The following GMEB2 variants were observed in gnomAD, a reference collection of about 807,000 sequenced individuals.
GMEB2 encodes glucocorticoid modulatory element-binding protein 2.
Under a neutral mutation model 45.7 loss-of-function variants are expected in GMEB2, and 7 were observed. That is an observed-to-expected ratio of 0.15 (90% CI 0.09 to 0.29). GMEB2 has a LOEUF of 0.29. GMEB2 is among the 10% of genes least tolerant of loss of function. The pLI is 1.00. For missense variants in GMEB2, 582 were observed against 739.2 expected (o/e 0.79, Z 2.47); for synonymous variants, 322 against 323.6 (o/e 1.00, Z 0.05).
intron 1 of GMEB2, among the ~76,000 whole-genome samples, chr20:63,622,346 A>G (rs2089646595): frequency 6.6e-6 from 1 of 152,236 alleles, no homozygotes; most frequent in African/African-American, 2.4e-5. Flanking sequence ...CTCATAGCCC[A>G]GCCAGGCCTC....
chr20:63,625,359 G>A (rs1323234747), intron 1 of GMEB2, among the ~76,000 whole-genome samples: 1 of 151,916 alleles, frequency 6.6e-6, no homozygotes, highest in Non-Finnish European at 1.5e-5. Context: ...TTTTGGTAGA[G>A]ACGGGGTTTC....
intron 9 of GMEB2, 116 bp downstream of exon 9, chr20:63,591,906 C>CGTG (rs1357438002): frequency 7.0e-5 from 60 of 852,568 alleles, no homozygotes; most frequent in Admixed American, 3.4e-4. Flanking sequence ...AGAAGCTCGC[C>CGTG]GTGGTGGCGG....
chr20:63,616,929 G>A (rs1189211707), intron 2 of GMEB2, among the ~76,000 whole-genome samples: 4 of 151,926 alleles, frequency 2.6e-5, no homozygotes, highest in African/African-American at 4.8e-5. Context: ...TAATTTAAAT[G>A]AGGTCATATA....
In GMEB2 at chr20:63,600,456, G is replaced by A. The variant is rs545545036; in HGVS notation, c.357+2509C>T. 4.6e-4 allele frequency among the ~76,000 whole-genome samples: 69 copies of A among 150,834 alleles called. 2 individuals carry two copies. In the South Asian group the frequency reaches 6.6e-3, roughly 15 times the overall value. Reference sequence around the variant, plus strand: ...CAGCAGGCCGGGCGCGGTGGCTCACGCCTGTAATCCCAGCACTTTGGGAGG... The same window carrying A: ...CAGCAGGCCGGGCGCGGTGGCTCACACCTGTAATCCCAGCACTTTGGGAGG... On this transcript the variant is annotated intron_variant, in intron 4 of 9. Coordinates refer to ENST00000370077, the MANE Select transcript of GMEB2 (RefSeq NM_012384.5).
chr20:63,590,550 G>C lies in GMEB2; in HGVS notation c.1132C>G (p.Gln378Glu). 6.5e-7 allele frequency: 1 copy of C among 1,546,018 alleles called. No homozygotes were observed. Among genetic ancestry groups the C allele is most frequent in the Non-Finnish European group, 8.7e-7 (1 of 1,143,956 alleles). Reference protein sequence around the residue: ...PAAMASQVLTQSAQLALGPGV... With the variant: ...PAAMASQVLTESAQLALGPGV... ...GGGCCAAGCGCCAGCTGGGCAGACT[G>C]GGTGAGCACCTGCGAGGCCATGGCG... Residue 378 changes from glutamine to glutamate, a missense_variant, in exon 10 of 10, where the codon CAG (glutamine) becomes GAG (glutamate). Around this residue, in one of 3 missense-constraint regions of GMEB2, gnomAD observed 462 missense variants for 586.7 expected, o/e 0.79. Coordinates refer to ENST00000370077, the MANE Select transcript of GMEB2 (RefSeq NM_012384.5).
chr20:63,597,903 C>A, intron 4 of GMEB2, 43 bp from the exon 5 acceptor site: 1 of 1,142,782 alleles, frequency 8.8e-7, no homozygotes, highest in Non-Finnish European at 1.3e-6. Flanking sequence ...GGCCGGGACA[C>A]CACATAGGGT....
chr20:63,618,651 C>G (rs999543818), intron 2 of GMEB2, among the ~76,000 whole-genome samples: 5 of 152,134 alleles, frequency 3.3e-5, no homozygotes, highest in Non-Finnish European at 7.4e-5. Flanking sequence ...AAGACTGCCC[C>G]AGACCAGAGC....
chr20:63,615,244 G>T (rs1208859994), intron 2 of GMEB2, among the ~76,000 whole-genome samples: 2 of 152,146 alleles, frequency 1.3e-5, no homozygotes, highest in South Asian at 2.1e-4. Flanking sequence ...ACATGCTAAT[G>T]GGCAATATGA....
chr20:63,597,164 G>GGTT (rs556439916), intron 5 of GMEB2, among the ~76,000 whole-genome samples: 2 of 132,648 alleles, frequency 1.5e-5, no homozygotes, highest in Non-Finnish European at 3.1e-5. Flanking sequence ...TTTTATTCTT[G>GGTT]TTTTTTTTTT....
chr20:63,602,265 G>T (rs1025267843), intron 4 of GMEB2, among the ~76,000 whole-genome samples: 1 of 152,218 alleles, frequency 6.6e-6, no homozygotes, highest in Admixed American at 6.5e-5. Context: ...CCTCAAGGGG[G>T]TGTCTCCTTC....
intron 2 of GMEB2, among the ~76,000 whole-genome samples, chr20:63,611,008 C>G (rs1162661829): frequency 6.6e-6 from 1 of 152,236 alleles, no homozygotes; most frequent in Non-Finnish European, 1.5e-5. Context: ...TGAGCCCAGC[C>G]TGGACCCCCC....
chr20:63,620,487 G>T (rs2089637219), intron 1 of GMEB2, among the ~76,000 whole-genome samples: 1 of 152,192 alleles, frequency 6.6e-6, no homozygotes, highest in Admixed American at 6.5e-5. Flanking sequence ...GAGGAGAGGG[G>T]AGAAGAGAGG....
chr20:63,605,252 G>T (rs921062281), intron 2 of GMEB2, among the ~76,000 whole-genome samples: 1 of 151,442 alleles, frequency 6.6e-6, no homozygotes, highest in East Asian at 1.9e-4. Context: ...AAACAAAAAG[G>T]CCAGGTGCGG....
Position 63,590,281 on chromosome 20 carries a change from C to T in GMEB2, c.1401G>A (p.Thr467=), listed in dbSNP as rs1328508649. The T allele has an allele frequency of 4.3e-6, 7 of 1,612,644 alleles. No homozygotes were observed. The highest frequency in any genetic ancestry group is 2.2e-5 in the East Asian group (1 of 44,882). ...GTAGCGGGCTGACCACCTTGAACACCGTGCTACCGTCCTGCACGGCGGCCG... is the reference window on the plus strand; with the variant it reads ...GTAGCGGGCTGACCACCTTGAACACTGTGCTACCGTCCTGCACGGCGGCCG... ...LSTAAVQDGS[T]VFKVVSPLQL... is the part of the protein sequence containing the mutation. The change falls in exon 10 of 10, where the codon ACG becomes ACA. Residue 467 remains threonine (T), a synonymous_variant. Coordinates refer to ENST00000370077, the MANE Select transcript of GMEB2 (RefSeq NM_012384.5).
chr20:63,613,570 A>T (rs1282952049), intron 2 of GMEB2, among the ~76,000 whole-genome samples: 1 of 146,024 alleles, frequency 6.8e-6, no homozygotes, highest in Non-Finnish European at 1.5e-5. Flanking sequence ...CCCAGGCTGG[A>T]GTGCAGTGGC....
chr20:63,597,636 G>A (rs2083209807), intron 5 of GMEB2, 121 bp downstream of exon 5: 4 of 650,086 alleles, frequency 6.2e-6, no homozygotes, highest in South Asian at 5.1e-5. Context: ...CCACCCGGGA[G>A]GTTGTCAGCA....
At chr20:63,614,437 C>T (rs13041830) in intron 2 of GMEB2, among the ~76,000 whole-genome samples, 26,083 of 151,490 alleles carry the variant, frequency 0.17, 3,066 homozygotes, top group East Asian at 0.5. Flanking sequence ...TCTGGGAAGA[C>T]GCCCGTTGCC....
chr20:63,623,552 A>G (rs1050839919), intron 1 of GMEB2, among the ~76,000 whole-genome samples: 21 of 150,816 alleles, frequency 1.4e-4, no homozygotes, highest in Admixed American at 1.2e-3. Context: ...TAATCCCAGC[A>G]CTTTGGGAGG....
At chr20:63,605,462 G>A (rs2089511153) in intron 2 of GMEB2, among the ~76,000 whole-genome samples, 1 of 151,226 alleles carries the variant, frequency 6.6e-6, no homozygotes, top group Admixed American at 6.6e-5. Context: ...GAACCCGAGA[G>A]GTGTGAGTGG....
Sources: allele counts gnomAD v4.1 joint callset (sites outside exome capture counted in the v4.1 genomes callset), GRCh38; gene constraint gnomAD v4.1.1; regional missense constraint gnomAD v4.1.1; transcripts MANE v1.5; gene names NCBI Gene and HGNC (gene_info 2026-07-23, HGNC 2026-07-21).